Variants in SLC26A8 observed in about 807,000 individuals in gnomAD.
The protein encoded by SLC26A8 is testis anion transporter 1.
In SLC26A8, 70 loss-of-function variants were observed where a neutral mutation model predicts 105.0. That is an observed-to-expected ratio of 0.67 (90% confidence interval 0.55 to 0.81). SLC26A8 has a LOEUF of 0.81. Among genes scored for constraint, SLC26A8 ranks in the 40% least tolerant of loss-of-function variants. The pLI is 0.00. For missense variants in SLC26A8, 998 were observed against 1,181.8 expected (o/e 0.84, Z 2.28); for synonymous variants, 415 against 438.3 (o/e 0.95, Z 0.66).
chr6:35,962,123 G>A (rs1418411253), intron 12 of SLC26A8, among the ~76,000 whole-genome samples: 1 of 152,028 alleles, frequency 6.6e-6, no homozygotes, highest in East Asian at 1.9e-4. Context: ...CTACTCGGGA[G>A]GCTGAGGCAG....
Position 35,991,707 on chromosome 6 carries a change from T to C in SLC26A8, c.894A>G (p.Arg298=). 1 of 1,605,766 alleles carries C rather than the reference T, an allele frequency of 6.2e-7. No individual in the cohort carries two copies. Among genetic ancestry groups the C allele is most frequent in the East Asian group, 2.2e-5 (1 of 44,476 alleles). The change falls in exon 7 of 20, where the codon AGA becomes AGG. Residue 298 remains arginine (R), a synonymous_variant. Coordinates refer to ENST00000490799, the MANE Select transcript of SLC26A8 (RefSeq NM_052961.4). The part of the protein sequence containing the change: ...VVALRINKCI[R]ISFNQYPIEF... Reference sequence around the variant, plus strand: ...CAATGGGATACTGATTGAAAGAAATTCTGATACATTTGTTGATTCGCAGAG... The same window carrying C: ...CAATGGGATACTGATTGAAAGAAATCCTGATACATTTGTTGATTCGCAGAG...
rs548023660 is a variant in SLC26A8 at position 35,968,689 on chromosome 6, A to T, written c.1365+188T>A. Among the ~76,000 whole-genome samples the T allele has an allele frequency of 8.7e-5, 12 of 138,092 alleles. No individual in the cohort carries two copies. In the South Asian group the frequency reaches 1.2e-3, roughly 14 times the overall value. The allele number at this position is 138,092 out of a possible 152,430, so 90.6% of individuals were successfully genotyped here. On this transcript the variant is annotated intron_variant, in intron 11 of 19. Transcript: ENST00000490799. ...TTTAACCCTCAACCCTGTGATCCAG[A>T]TACTATTATCTTGAATGAAAGGGAC...
chr6:35,989,200 T>G (rs1000765613), intron 7 of SLC26A8, among the ~76,000 whole-genome samples: 5 of 152,190 alleles, frequency 3.3e-5, no homozygotes, highest in Non-Finnish European at 7.3e-5. Flanking sequence ...TAACAGCTAA[T>G]TAACACATGA....
At chr6:35,975,639 T>G in intron 9 of SLC26A8, 151 bp from the exon 10 acceptor site, 1 of 579,760 alleles carries the variant, frequency 1.7e-6, no homozygotes, top group Non-Finnish European at 3.1e-6. Flanking sequence ...GAAGGCCGGA[T>G]GAGGTGGCTC....
chr6:35,963,991 C>T (rs542402311), intron 11 of SLC26A8, among the ~76,000 whole-genome samples: 113 of 152,240 alleles, frequency 7.4e-4, no homozygotes, highest in African/African-American at 2.7e-3. Flanking sequence ...AGGAGGATCA[C>T]TTGAGCCCAG....
chr6:35,951,106 T>TC, intron 19 of SLC26A8, 57 bp downstream of exon 19: 3 of 532,752 alleles, frequency 5.6e-6, no homozygotes, highest in Admixed American at 2.3e-5. Flanking sequence ...CCCTCACCCA[T>TC]CCCCCCACTG....
In SLC26A8 at chr6:35,991,833, G is replaced by T. The variant is rs765082045; in HGVS notation, c.793-25C>A. The T allele has an allele frequency of 3.2e-6, 5 of 1,555,720 alleles. No homozygotes were observed. The South Asian group carries it at 6.2e-5, about 19-fold the overall frequency. ...CCTGAAAGAAAATAAAATTACGGAG[G>T]CTTAGAAAGGGATGTAGTAATTGCC... is the stretch of plus-strand genomic sequence containing the variant. On this transcript the variant is annotated intron_variant, in intron 6 of 19. Coordinates refer to ENST00000490799, the MANE Select transcript of SLC26A8 (RefSeq NM_052961.4).
intron 7 of SLC26A8, among the ~76,000 whole-genome samples, chr6:35,982,924 C>A (rs1313385979): frequency 6.6e-6 from 1 of 152,188 alleles, no homozygotes; most frequent in African/African-American, 2.4e-5. Flanking sequence ...TCCCTCTAGT[C>A]CCTGACTTTT....
chr6:35,951,403 C>G (rs1393956556), intron 18 of SLC26A8, 42 bp downstream of exon 18: 3 of 1,613,904 alleles, frequency 1.9e-6, no homozygotes, highest in Middle Eastern at 1.6e-4. Flanking sequence ...GCAGAGGACC[C>G]AGGGTGCAAA....
intron 16 of SLC26A8, among the ~76,000 whole-genome samples, chr6:35,958,492 A>C (rs1772180409): frequency 6.6e-6 from 1 of 151,388 alleles, no homozygotes; most frequent in Admixed American, 6.6e-5. Flanking sequence ...TACCACTATT[A>C]TGAAAGAAAA....
chr6:35,963,368 G>A (rs1772387395), intron 11 of SLC26A8, among the ~76,000 whole-genome samples: 2 of 152,062 alleles, frequency 1.3e-5, no homozygotes, highest in Admixed American at 1.3e-4. Context: ...ATACATCTCT[G>A]GAATGCTGTG....
At chr6:35,969,087 T>C in intron 10 of SLC26A8, 133 bp from the exon 11 acceptor site, 1 of 701,254 alleles carries the variant, frequency 1.4e-6, no homozygotes, top group Non-Finnish European at 2.5e-6. Flanking sequence ...AAGTGTATTT[T>C]TGTTGAACTG....
intron 17 of SLC26A8, among the ~76,000 whole-genome samples, chr6:35,952,025 A>C (rs915138582): frequency 2.0e-5 from 3 of 152,180 alleles, no homozygotes; most frequent in Non-Finnish European, 4.4e-5. Flanking sequence ...AGAGAATCAG[A>C]CCGTGTCATG....
At chr6:36,021,235 T>C (rs851031) in intron 1 of SLC26A8, among the ~76,000 whole-genome samples, 99,303 of 151,404 alleles carry the variant, frequency 0.66, 33,052 homozygotes, top group Middle Eastern at 0.73. Context: ...GGGAGAGGTA[T>C]TTTACAATAT....
At chr6:35,953,013 CAAAAAAAAAA>C (rs11364963) in intron 17 of SLC26A8, among the ~76,000 whole-genome samples, 5 of 63,726 alleles carry the variant, frequency 7.8e-5, no homozygotes, top group Non-Finnish European at 1.5e-4. Flanking sequence ...GATGCTGTCT[CAAAAAAAAAA>C]AAAAAAAAAA....
At chr6:35,959,891 G>A (rs969163315) in intron 14 of SLC26A8, 85 bp from the exon 15 acceptor site, 3 of 1,043,684 alleles carry the variant, frequency 2.9e-6, no homozygotes, top group Non-Finnish European at 4.2e-6. Flanking sequence ...CTCCTAGAGA[G>A]TCTGTATTCT....
intron 7 of SLC26A8, among the ~76,000 whole-genome samples, chr6:35,988,645 GAA>G (rs1562049835): frequency 8.5e-6 from 1 of 118,148 alleles, no homozygotes; most frequent in African/African-American, 2.9e-5. Flanking sequence ...AAAGAAAAAA[GAA>G]AAGAAAAGAA....
At chr6:35,958,734 G>A (rs549190090) in intron 16 of SLC26A8, among the ~76,000 whole-genome samples, 3 of 152,106 alleles carry the variant, frequency 2.0e-5, no homozygotes, top group South Asian at 2.1e-4. Context: ...TGTGTGTTGC[G>A]GGGGAGGATG....
chr6:36,020,185 G>A (rs1762096322), intron 1 of SLC26A8, among the ~76,000 whole-genome samples: 1 of 152,126 alleles, frequency 6.6e-6, no homozygotes, highest in Non-Finnish European at 1.5e-5. Flanking sequence ...TTTTCTTCAC[G>A]GCACTTGCCA....
Sources: gnomAD v4.1 joint callset for allele counts (sites outside exome capture counted in the v4.1 genomes callset) on GRCh38, gnomAD v4.1.1 for gene constraint, MANE v1.5 for transcripts, NCBI Gene and HGNC (gene_info 2026-07-23, HGNC 2026-07-21) for gene names.